Variants in NEGR1 observed in about 807,000 individuals in gnomAD.
The protein encoded by NEGR1 is neuronal growth regulator 1, also known as IgLON family member 4.
A neutral mutation model predicts 40.9 loss-of-function variants in NEGR1; 10 were observed. The ratio of observed to expected loss-of-function variants is 0.24; its 90% confidence interval spans 0.15 to 0.42. The LOEUF (loss-of-function observed/expected upper bound fraction) is 0.42, where lower values mean the gene tolerates loss of function less well. Ranked by LOEUF, NEGR1 falls within the 10% of genes least tolerant of loss-of-function variation. The pLI, the probability that NEGR1 is intolerant of heterozygous loss-of-function variation, is 1.00. For synonymous variants in NEGR1, 185 were observed against 166.8 expected (o/e 1.11, Z -0.84); for missense variants, 352 against 438.9 (o/e 0.80, Z 1.77).
chr1:71,807,235 T>C (rs1459247536), intron 2 of NEGR1, among the ~76,000 whole-genome samples: 1 of 152,126 alleles, frequency 6.6e-6, no homozygotes, highest in Non-Finnish European at 1.5e-5. Flanking sequence ...TATGGGACAT[T>C]GTAAGAGTAA....
chr1:72,114,553 G>A (rs1649511254), intron 1 of NEGR1, among the ~76,000 whole-genome samples: 1 of 151,744 alleles, frequency 6.6e-6, no homozygotes, highest in African/African-American at 2.4e-5. Context: ...ATCTATCTGA[G>A]AGATAAAGAT....
At chr1:72,170,381 T>C (rs1223418434) in intron 1 of NEGR1, among the ~76,000 whole-genome samples, 2 of 152,174 alleles carry the variant, frequency 1.3e-5, no homozygotes, top group African/African-American at 4.8e-5. Context: ...TTCTTCTTAT[T>C]TGTCCATTGT....
chr1:71,991,133 C>T (rs17092067), intron 1 of NEGR1, among the ~76,000 whole-genome samples: 17,900 of 151,978 alleles, frequency 0.12, 1,083 homozygotes, highest in South Asian at 0.18. Flanking sequence ...CTTCTTTGCT[C>T]AGGTGGTCAT....
At chr1:71,950,481 A>G (rs551180721) in intron 1 of NEGR1, among the ~76,000 whole-genome samples, 1 of 152,126 alleles carries the variant, frequency 6.6e-6, no homozygotes, top group Non-Finnish European at 1.5e-5. Context: ...TTCATCCTCA[A>G]ATACTGTTTC....
In NEGR1 at chr1:71,886,188, G is replaced by T. The variant is rs6700330; in HGVS notation, c.409+48891C>A. 1.1e-3 allele frequency among the ~76,000 whole-genome samples: 163 copies of T among 152,260 alleles called. 1 individual carries two copies. The highest frequency in any genetic ancestry group is 3.8e-3 in the African/African-American group (156 of 41,570). On this transcript the variant is annotated intron_variant, in intron 2 of 6. Coordinates refer to ENST00000357731, the MANE Select transcript of NEGR1 (RefSeq NM_173808.3). ...AACTATAACAAAAGGGCTTAGATTA[G>T]TCCAGTGAAGTTTCCTGAATTCAAA...
At chr1:72,046,073 C>CA (rs2100465851) in intron 1 of NEGR1, among the ~76,000 whole-genome samples, 1 of 151,340 alleles carries the variant, frequency 6.6e-6, no homozygotes, top group East Asian at 1.9e-4. Flanking sequence ...CAAAATATCC[C>CA]AAAAAAGGAA....
intron 2 of NEGR1, among the ~76,000 whole-genome samples, chr1:71,921,357 A>C (rs1431571411): frequency 6.6e-6 from 1 of 152,104 alleles, no homozygotes; most frequent in Non-Finnish European, 1.5e-5. Flanking sequence ...AAACCAATCT[A>C]AGTACATTTG....
At position 72,134,202 on chromosome 1, in the gene NEGR1, GT is replaced by G. The variant is rs908710344; in HGVS notation, c.176+148116del. On this transcript the variant is annotated intron_variant, in intron 1 of 6. Transcript: ENST00000357731. ...TGATGATTATTTTGGGGGGAAATAC[GT>G]TTTTTTTTTCTTTTTTTTTTTTTGA... 2.9e-3 allele frequency among the ~76,000 whole-genome samples: 417 copies of G among 143,314 alleles called. 3 individuals are homozygous for G. The highest frequency in any genetic ancestry group is 2.2e-3 in the Non-Finnish European group (142 of 65,284). 94.0% of individuals were successfully genotyped at this position (143,314 alleles called of 152,430 possible).
intron 1 of NEGR1, among the ~76,000 whole-genome samples, chr1:72,240,141 C>A (rs376482364): frequency 6.6e-6 from 1 of 151,924 alleles, no homozygotes; most frequent in East Asian, 1.9e-4. Flanking sequence ...GGTGACATCG[C>A]TAATGCTTAA....
intron 3 of NEGR1, among the ~76,000 whole-genome samples, chr1:71,759,652 C>T (rs1429042458): frequency 8.0e-6 from 1 of 124,836 alleles, no homozygotes; most frequent in African/African-American, 3.0e-5. Flanking sequence ...CTCTGTCGCC[C>T]AGGCTGGAGT....
At chr1:72,088,076 A>G (rs1648295223) in intron 1 of NEGR1, among the ~76,000 whole-genome samples, 1 of 152,234 alleles carries the variant, frequency 6.6e-6, no homozygotes, top group Non-Finnish European at 1.5e-5. Flanking sequence ...CTAACTTTCT[A>G]TACTCAGAAC....
At chr1:71,929,779 G>A (rs78371350) in intron 2 of NEGR1, among the ~76,000 whole-genome samples, 3,752 of 148,524 alleles carry the variant, frequency 0.025, 144 homozygotes, top group African/African-American at 0.088. Flanking sequence ...GCAGGCCCAT[G>A]TCCTGTGATG....
chr1:72,112,220 T>TC (rs1445192355), intron 1 of NEGR1, among the ~76,000 whole-genome samples: 1 of 151,412 alleles, frequency 6.6e-6, no homozygotes, highest in Non-Finnish European at 1.5e-5. Context: ...CACTTTTTTT[T>TC]TTTAATTTAG....
intron 5 of NEGR1, among the ~76,000 whole-genome samples, chr1:71,604,479 A>G (rs1438502454): frequency 1.3e-5 from 2 of 152,150 alleles, no homozygotes; most frequent in Non-Finnish European, 2.9e-5. Flanking sequence ...TACTCACATA[A>G]AATTTATAGC....
chr1:71,783,941 G>T, intron 2 of NEGR1, among the ~76,000 whole-genome samples: 1 of 152,078 alleles, frequency 6.6e-6, no homozygotes. Flanking sequence ...TAAAGAGTTA[G>T]AAAGATACAA....
intron 4 of NEGR1, among the ~76,000 whole-genome samples, chr1:71,690,023 T>C: frequency 6.6e-6 from 1 of 152,036 alleles, no homozygotes; most frequent in East Asian, 1.9e-4. Flanking sequence ...ATTTGGATGC[T>C]TTTGTCCCAA....
At chr1:72,042,010 C>T (rs967643517) in intron 1 of NEGR1, among the ~76,000 whole-genome samples, 1 of 139,126 alleles carries the variant, frequency 7.2e-6, no homozygotes, top group East Asian at 2.1e-4. Context: ...ATATAATATA[C>T]ATTTGATTAA....
At chr1:71,835,049 T>A (rs1299738688) in intron 2 of NEGR1, among the ~76,000 whole-genome samples, 3 of 152,112 alleles carry the variant, frequency 2.0e-5, no homozygotes, top group African/African-American at 7.2e-5. Context: ...TTTTCCATGG[T>A]CTTTGCCTGG....
intron 2 of NEGR1, among the ~76,000 whole-genome samples, chr1:71,803,469 A>T (rs897168669): frequency 1.3e-5 from 2 of 152,100 alleles, no homozygotes; most frequent in African/African-American, 4.8e-5. Flanking sequence ...GCTAACAGTG[A>T]CCTTCCTCTC....
Sources: allele counts gnomAD v4.1 joint callset (sites outside exome capture counted in the v4.1 genomes callset), GRCh38; gene constraint gnomAD v4.1.1; transcripts MANE v1.5; gene names NCBI Gene and HGNC (gene_info 2026-07-23, HGNC 2026-07-21).